MAF: variants seen among roughly 807,000 people sequenced by gnomAD.
The protein encoded by MAF is transcription factor Maf.
A neutral mutation model predicts 22.0 loss-of-function variants in MAF; 10 were observed. The observed-to-expected ratio is 0.45, with a 90% CI of 0.28 to 0.77. MAF has a LOEUF of 0.77. Ranked by LOEUF, MAF falls within the 30% of genes least tolerant of loss-of-function variation. MAF has a pLI of 0.12. For missense variants in MAF, 544 were observed against 548.4 expected (o/e 0.99, Z 0.08); for synonymous variants, 337 against 255.8 (o/e 1.32, Z -3.03).
At chr16:79,562,871 G>A in the MAF span, among the ~76,000 whole-genome samples, 1 of 152,122 alleles carries the variant, frequency 6.6e-6, no homozygotes, top group African/African-American at 2.4e-5. Context: ...CCCCTCCCCA[G>A]GTCCAGAAAA....
chr16:79,246,441 C>T, the MAF span, among the ~76,000 whole-genome samples: 1 of 149,870 alleles, frequency 6.7e-6, no homozygotes, highest in African/African-American at 2.5e-5. Context: ...ATTCTGAAAA[C>T]ACAAGGACCC....
the MAF span, among the ~76,000 whole-genome samples, chr16:79,508,789 AT>A: frequency 6.6e-6 from 1 of 152,330 alleles, no homozygotes; most frequent in East Asian, 1.9e-4. Context: ...ATAGGTTTCT[AT>A]TTATCTGAAA....
chr16:79,475,235 T>A, the MAF span, among the ~76,000 whole-genome samples: 1 of 152,122 alleles, frequency 6.6e-6, no homozygotes, highest in Non-Finnish European at 1.5e-5. Context: ...GGTATGGTCC[T>A]AGGTACTTCC....
At chr16:79,225,389 G>A in the MAF span, among the ~76,000 whole-genome samples, 1 of 151,994 alleles carries the variant, frequency 6.6e-6, no homozygotes, top group Non-Finnish European at 1.5e-5. Context: ...CTAAACATAA[G>A]ACCTAAAACC....
At chr16:79,389,714 C>T in the MAF span, among the ~76,000 whole-genome samples, 132 of 152,156 alleles carry the variant, frequency 8.7e-4, no homozygotes, top group African/African-American at 2.8e-3. Flanking sequence ...TGGTGGCTCA[C>T]GCCTGTAATC....
the MAF span, among the ~76,000 whole-genome samples, chr16:79,253,427 A>G: frequency 6.6e-6 from 1 of 151,328 alleles, no homozygotes; most frequent in Non-Finnish European, 1.5e-5. Flanking sequence ...CTTACCTTCA[A>G]CTCCTCCCCT....
At chr16:79,355,405 C>T in the MAF span, among the ~76,000 whole-genome samples, 3 of 152,174 alleles carry the variant, frequency 2.0e-5, no homozygotes. Flanking sequence ...TACAGCCCAG[C>T]GGAGTCAAAG....
the MAF span, among the ~76,000 whole-genome samples, chr16:79,535,714 C>T: frequency 6.6e-6 from 1 of 151,160 alleles, no homozygotes; most frequent in African/African-American, 2.4e-5. Context: ...TAGGAGTCCT[C>T]AGCCTCCTGA....
chr16:79,278,426 C>T, the MAF span, among the ~76,000 whole-genome samples: 1 of 152,182 alleles, frequency 6.6e-6, no homozygotes. Flanking sequence ...AAGAAACAAA[C>T]AAGGTCTCTT....
At chr16:79,511,970 A>C in the MAF span, among the ~76,000 whole-genome samples, 1 of 152,176 alleles carries the variant, frequency 6.6e-6, no homozygotes, top group African/African-American at 2.4e-5. Context: ...TTATATATTC[A>C]ACATCTCAGG....
the MAF span, among the ~76,000 whole-genome samples, chr16:79,542,024 T>C: frequency 6.6e-6 from 1 of 152,072 alleles, no homozygotes; most frequent in Non-Finnish European, 1.5e-5. Context: ...CCTCAAGGCA[T>C]GAGATAGGCT....
the MAF span, among the ~76,000 whole-genome samples, chr16:79,494,689 A>G: frequency 6.6e-6 from 1 of 152,102 alleles, no homozygotes; most frequent in Non-Finnish European, 1.5e-5. Flanking sequence ...ACACTAACCA[A>G]TCCTCTAATT....
chr16:79,532,677 C>A, the MAF span, among the ~76,000 whole-genome samples: 2 of 152,090 alleles, frequency 1.3e-5, no homozygotes, highest in Non-Finnish European at 1.5e-5. Context: ...ATGAAATATG[C>A]GTCATAAAGC....
the MAF span, among the ~76,000 whole-genome samples, chr16:79,554,714 C>A: frequency 2.6e-5 from 4 of 152,052 alleles, no homozygotes; most frequent in Non-Finnish European, 5.9e-5. Context: ...CAAGATGAGC[C>A]CAGAAAAATG....
At chr16:79,259,315 C>G in the MAF span, among the ~76,000 whole-genome samples, 1 of 152,186 alleles carries the variant, frequency 6.6e-6, no homozygotes, top group African/African-American at 2.4e-5. Context: ...TGGCCTCCTC[C>G]CCACTCACCA....
At chr16:79,433,501 C>G in the MAF span, among the ~76,000 whole-genome samples, 2 of 151,816 alleles carry the variant, frequency 1.3e-5, no homozygotes, top group South Asian at 4.2e-4. Flanking sequence ...TGGTCAGTTA[C>G]TAACCACTTC....
At chr16:79,209,557 C>T in the MAF span, among the ~76,000 whole-genome samples, 1 of 152,174 alleles carries the variant, frequency 6.6e-6, no homozygotes, top group Non-Finnish European at 1.5e-5. Context: ...GATTCTCCCA[C>T]CACTCGGGAG....
At chr16:79,573,006 T>C in the MAF span, among the ~76,000 whole-genome samples, 1 of 152,184 alleles carries the variant, frequency 6.6e-6, no homozygotes, top group African/African-American at 2.4e-5. Flanking sequence ...AAAATATCAT[T>C]ATTATGTGGT....
the MAF span, among the ~76,000 whole-genome samples, chr16:79,340,800 T>C: frequency 2.0e-5 from 3 of 152,266 alleles, no homozygotes; most frequent in Admixed American, 1.3e-4. Flanking sequence ...CAGGCATTGC[T>C]AGATGTCCCC....
Sources: allele counts gnomAD v4.1 joint callset (sites outside exome capture counted in the v4.1 genomes callset), GRCh38; gene constraint gnomAD v4.1.1; transcripts MANE v1.5; gene names NCBI Gene and HGNC (gene_info 2026-07-23, HGNC 2026-07-21).